KIAA1328: variants seen among roughly 807,000 people sequenced by gnomAD.
KIAA1328 encodes protein hinderin.
In KIAA1328, 52 loss-of-function variants were observed where a neutral mutation model predicts 68.1. The ratio of observed to expected loss-of-function variants is 0.76; its 90% CI spans 0.61 to 0.96. The LOEUF (loss-of-function observed/expected upper bound fraction) is 0.96. KIAA1328 is among the 40% of genes least tolerant of loss of function. The pLI is 0.00. For missense variants in KIAA1328, 641 were observed against 677.6 expected (o/e 0.95, Z 0.60); for synonymous variants, 232 against 239.4 (o/e 0.97, Z 0.28).
chr18:36,842,180 T>C (rs182436553), intron 3 of KIAA1328, among the ~76,000 whole-genome samples: 270 of 152,250 alleles, frequency 1.8e-3, no homozygotes, highest in Non-Finnish European at 3.0e-3. Context: ...GTCGGAATTA[T>C]TGAAACTTAG....
At chr18:36,878,209 G>A (rs1227604538) in intron 4 of KIAA1328, among the ~76,000 whole-genome samples, 1 of 152,144 alleles carries the variant, frequency 6.6e-6, no homozygotes, top group Non-Finnish European at 1.5e-5. Flanking sequence ...GCTCTTGTAA[G>A]GCAGGCCTGG....
chr18:36,981,428 A>C (rs917979547), intron 6 of KIAA1328, among the ~76,000 whole-genome samples: 1 of 152,214 alleles, frequency 6.6e-6, no homozygotes, highest in Non-Finnish European at 1.5e-5. Context: ...GCATGCAAAG[A>C]ATCAGTAAAA....
intron 7 of KIAA1328, among the ~76,000 whole-genome samples, chr18:37,139,347 G>T (rs1408972632): frequency 5.9e-5 from 9 of 152,102 alleles, no homozygotes; most frequent in Admixed American, 5.2e-4. Context: ...ATTTAGTTGG[G>T]ATGTTTAGGA....
intron 5 of KIAA1328, among the ~76,000 whole-genome samples, chr18:36,917,987 G>T (rs748111489): frequency 1.2e-3 from 184 of 150,856 alleles, no homozygotes; most frequent in Non-Finnish European, 1.7e-3. Context: ...TTTTGTTTTT[G>T]TTTTTTTTAA....
intron 5 of KIAA1328, among the ~76,000 whole-genome samples, chr18:36,945,294 A>G (rs750813732): frequency 3.9e-5 from 6 of 152,186 alleles, no homozygotes; most frequent in Admixed American, 6.5e-5. Flanking sequence ...AACAGTCCAC[A>G]TAAGCTTAAT....
intron 5 of KIAA1328, among the ~76,000 whole-genome samples, chr18:36,904,898 G>A (rs191270502): frequency 5.9e-4 from 90 of 151,858 alleles, no homozygotes; most frequent in Admixed American, 3.4e-3. Flanking sequence ...TTGCTGTAAG[G>A]CGTATCTATA....
At chr18:37,076,387 A>G in intron 7 of KIAA1328, among the ~76,000 whole-genome samples, 1 of 152,004 alleles carries the variant, frequency 6.6e-6, no homozygotes, top group African/African-American at 2.4e-5. Flanking sequence ...AACAGGAAAG[A>G]TCCAAAATTG....
chr18:36,905,505 A>G (rs1393097304), intron 5 of KIAA1328, among the ~76,000 whole-genome samples: 3 of 152,148 alleles, frequency 2.0e-5, no homozygotes, highest in Non-Finnish European at 4.4e-5. Flanking sequence ...TCTGTCTGGC[A>G]GACTTTCATT....
chr18:36,922,303 G>A (rs908560507), intron 5 of KIAA1328, among the ~76,000 whole-genome samples: 15 of 152,074 alleles, frequency 9.9e-5, no homozygotes, highest in African/African-American at 3.6e-4. Flanking sequence ...CTTTTATTTT[G>A]TGTATGGTTC....
chr18:36,954,040 G>A (rs1323323135), intron 5 of KIAA1328, among the ~76,000 whole-genome samples: 13 of 130,952 alleles, frequency 9.9e-5, no homozygotes, highest in African/African-American at 3.5e-4. Context: ...CTGTCGCCCA[G>A]GCCGGACTGC....
intron 6 of KIAA1328, among the ~76,000 whole-genome samples, chr18:37,000,859 A>C (rs2053563360): frequency 1.3e-5 from 2 of 152,136 alleles, no homozygotes; most frequent in Admixed American, 6.5e-5. Context: ...ATGGAAAAGC[A>C]ACAAATCAAA....
At chr18:36,860,131 A>G (rs1030342843) in intron 4 of KIAA1328, among the ~76,000 whole-genome samples, 3 of 152,068 alleles carry the variant, frequency 2.0e-5, no homozygotes, top group Middle Eastern at 3.2e-3. Flanking sequence ...GAATTGTGAA[A>G]AGAATGTATT....
intron 6 of KIAA1328, among the ~76,000 whole-genome samples, chr18:37,030,494 C>A (rs1045227734): frequency 5.3e-5 from 8 of 151,922 alleles, no homozygotes; most frequent in African/African-American, 1.9e-4. Context: ...AATTTAATTC[C>A]CTTATTGTCA....
chr18:37,208,426 T>C (rs923561417), intron 9 of KIAA1328, among the ~76,000 whole-genome samples: 5 of 152,230 alleles, frequency 3.3e-5, no homozygotes, highest in East Asian at 3.9e-4. Context: ...TGTCAGAATA[T>C]TGACTGAGTG....
chr18:37,100,957 G>T (rs1364879301), intron 7 of KIAA1328, among the ~76,000 whole-genome samples: 1 of 152,166 alleles, frequency 6.6e-6, no homozygotes, highest in Non-Finnish European at 1.5e-5. Context: ...GCAGCTGAGG[G>T]TCCTGACTGT....
At chr18:37,144,849 T>C (rs2058859307) in intron 7 of KIAA1328, among the ~76,000 whole-genome samples, 1 of 152,140 alleles carries the variant, frequency 6.6e-6, no homozygotes, top group Non-Finnish European at 1.5e-5. Flanking sequence ...TCTTTATCCC[T>C]CAAATTTTAA....
intron 7 of KIAA1328, among the ~76,000 whole-genome samples, chr18:37,077,539 A>C (rs1200694289): frequency 6.6e-6 from 1 of 151,840 alleles, no homozygotes; most frequent in African/African-American, 2.4e-5. Flanking sequence ...GAGGAAGTCA[A>C]ATTGTCCCTG....
intron 9 of KIAA1328, among the ~76,000 whole-genome samples, chr18:37,178,915 T>G (rs1487226007): frequency 6.6e-6 from 1 of 152,198 alleles, no homozygotes; most frequent in African/African-American, 2.4e-5. Flanking sequence ...ACCTATTTTT[T>G]TAGTCACTTT....
intron 4 of KIAA1328, among the ~76,000 whole-genome samples, chr18:36,872,166 C>G (rs1372297163): frequency 6.6e-6 from 1 of 152,014 alleles, no homozygotes; most frequent in African/African-American, 2.4e-5. Flanking sequence ...GGGGCTGGGT[C>G]CAGGTGGTGA....
Sources: gnomAD v4.1 joint callset for allele counts (sites outside exome capture counted in the v4.1 genomes callset) on GRCh38, gnomAD v4.1.1 for gene constraint, MANE v1.5 for transcripts, NCBI Gene and HGNC (gene_info 2026-07-23, HGNC 2026-07-21) for gene names.